The following ARHGAP10 variants were observed in gnomAD, a reference collection of about 807,000 sequenced individuals.
ARHGAP10 encodes Rho GTPase activating protein 10.
A neutral mutation model predicts 108.6 loss-of-function variants in ARHGAP10; 87 were observed. The observed-to-expected ratio is 0.80, with a 90% CI of 0.67 to 0.96. The LOEUF (loss-of-function observed/expected upper bound fraction) is 0.96, where lower values mean the gene tolerates loss of function less well. Ranked by LOEUF, ARHGAP10 falls within the 40% of genes least tolerant of loss-of-function variation. ARHGAP10 has a pLI of 0.00. For missense variants in ARHGAP10, 939 were observed against 954.5 expected (o/e 0.98, Z 0.21); for synonymous variants, 347 against 341.1 (o/e 1.02, Z -0.19).
intron 16 of ARHGAP10, among the ~76,000 whole-genome samples, chr4:147,961,786 C>T (rs1739009281): frequency 6.6e-6 from 1 of 152,172 alleles, no homozygotes. Flanking sequence ...TCCTTGACCT[C>T]TCCTTACCTC....
chr4:147,914,713 G>A (rs975685185), intron 13 of ARHGAP10, among the ~76,000 whole-genome samples: 7 of 152,018 alleles, frequency 4.6e-5, no homozygotes, highest in Non-Finnish European at 1.0e-4. Flanking sequence ...TTTATTGCCT[G>A]GTAGTATTCC....
chr4:147,852,011 C>T (rs1391115466), intron 4 of ARHGAP10, among the ~76,000 whole-genome samples: 4 of 152,110 alleles, frequency 2.6e-5, no homozygotes, highest in Admixed American at 6.5e-5. Context: ...ATGAGACTTA[C>T]GACACTTGTC....
At chr4:147,904,301 A>G (rs145613659) in intron 10 of ARHGAP10, among the ~76,000 whole-genome samples, 1,560 of 152,140 alleles carry the variant, frequency 0.01, 5 homozygotes, top group Middle Eastern at 0.017. Flanking sequence ...TTACATATGT[A>G]TACACGTGCC....
At chr4:148,057,953 G>A (rs1729432863) in intron 20 of ARHGAP10, among the ~76,000 whole-genome samples, 2 of 152,168 alleles carry the variant, frequency 1.3e-5, no homozygotes, top group African/African-American at 2.4e-5. Flanking sequence ...CCAACGCCGT[G>A]GGTTATGGCG....
chr4:147,936,842 C>A (rs1434107687), intron 13 of ARHGAP10, among the ~76,000 whole-genome samples: 1 of 152,132 alleles, frequency 6.6e-6, no homozygotes, highest in Non-Finnish European at 1.5e-5. Flanking sequence ...TCAGGGGTCC[C>A]CAATCCCCAG....
chr4:147,989,591 C>G (rs1740188195), intron 18 of ARHGAP10, among the ~76,000 whole-genome samples: 1 of 152,178 alleles, frequency 6.6e-6, no homozygotes, highest in South Asian at 2.1e-4. Flanking sequence ...CGATATTTCT[C>G]CCATTTGCTT....
chr4:148,063,762 C>A (rs918744834), intron 21 of ARHGAP10, among the ~76,000 whole-genome samples: 2 of 152,198 alleles, frequency 1.3e-5, no homozygotes, highest in African/African-American at 4.8e-5. Flanking sequence ...AGTGGCTTCC[C>A]CCACACCAGT....
intron 3 of ARHGAP10, among the ~76,000 whole-genome samples, chr4:147,842,809 A>C (rs1049360441): frequency 6.6e-6 from 1 of 151,950 alleles, no homozygotes; most frequent in Non-Finnish European, 1.5e-5. Flanking sequence ...TCTTAGAAAC[A>C]CTCGCCTGGG....
intron 19 of ARHGAP10, among the ~76,000 whole-genome samples, chr4:148,045,158 C>T (rs865910009): frequency 2.6e-5 from 4 of 152,134 alleles, no homozygotes; most frequent in African/African-American, 4.8e-5. Flanking sequence ...AAACAGAAAC[C>T]TCTTCTTAAC....
intron 18 of ARHGAP10, among the ~76,000 whole-genome samples, chr4:147,971,836 A>T (rs144490603): frequency 8.5e-4 from 129 of 152,306 alleles, no homozygotes; most frequent in African/African-American, 3.0e-3. Flanking sequence ...TGCAGTAGGA[A>T]GTAGAGGAAT....
intron 13 of ARHGAP10, among the ~76,000 whole-genome samples, chr4:147,925,651 A>T (rs1737434638): frequency 6.6e-6 from 1 of 152,248 alleles, no homozygotes. Flanking sequence ...CTGTTCTTAA[A>T]GATGAGCTTC....
chr4:147,887,930 T>C (rs1473584591), intron 10 of ARHGAP10, among the ~76,000 whole-genome samples: 1 of 152,086 alleles, frequency 6.6e-6, no homozygotes, highest in Non-Finnish European at 1.5e-5. Flanking sequence ...CTGAGGCCTT[T>C]GCCCTTTCTC....
At chr4:147,877,405 C>T (rs1219531430) in intron 8 of ARHGAP10, among the ~76,000 whole-genome samples, 3 of 152,086 alleles carry the variant, frequency 2.0e-5, no homozygotes, top group Non-Finnish European at 4.4e-5. Flanking sequence ...CATCTATTAC[C>T]CCTGTCCCAA....
At chr4:147,967,838 T>C (rs780422000) in intron 18 of ARHGAP10, among the ~76,000 whole-genome samples, 15 of 151,998 alleles carry the variant, frequency 9.9e-5, no homozygotes, top group Non-Finnish European at 2.1e-4. Context: ...GGGCCTCTTG[T>C]AAGTGGCTGC....
At chr4:147,989,255 A>C (rs2149634124) in intron 18 of ARHGAP10, among the ~76,000 whole-genome samples, 1 of 152,344 alleles carries the variant, frequency 6.6e-6, no homozygotes, top group South Asian at 2.1e-4. Context: ...AGAATATCAC[A>C]AGGCAAGTGG....
At chr4:148,016,165 A>G (rs942551673) in intron 18 of ARHGAP10, among the ~76,000 whole-genome samples, 1 of 152,240 alleles carries the variant, frequency 6.6e-6, no homozygotes, top group African/African-American at 2.4e-5. Flanking sequence ...ATCTTCTATC[A>G]TAATAAAGAC....
rs1423821525 is a variant in ARHGAP10, at chr4:148,063,243, G to C, written c.2123G>C (p.Gly708Ala). The change falls in exon 21 of 23, where the codon GGG becomes GCG. Residue 708 changes from glycine (G) to alanine (A), a missense_variant. Transcript: ENST00000336498. Reference protein sequence around the residue: ...SNSAVTPLSPGSSPFPFSPPA... With the variant: ...SNSAVTPLSPASSPFPFSPPA... ...TCAGCTGTGACACCTCTTTCACCCG[G>C]GTCGTCCCCTTTCCCCTTTTCTCCT... 2 of 1,614,008 alleles carry C rather than the reference G, an allele frequency of 1.2e-6. No individual in the cohort carries two copies. The highest frequency in any genetic ancestry group is 2.7e-5 in the African/African-American group (2 of 74,900).
intron 1 of ARHGAP10, among the ~76,000 whole-genome samples, chr4:147,750,850 C>G (rs1729112472): frequency 6.6e-6 from 1 of 152,066 alleles, no homozygotes; most frequent in African/African-American, 2.4e-5. Flanking sequence ...ATCCGCCTGC[C>G]TCAGCCTCCC....
chr4:147,992,488 ACCTCCG>A (rs1415182507), intron 18 of ARHGAP10, among the ~76,000 whole-genome samples: 1 of 151,806 alleles, frequency 6.6e-6, no homozygotes, highest in Non-Finnish European at 1.5e-5. Flanking sequence ...GCTTACTGCA[ACCTCCG>A]CCTCCCGGGT....
Sources: allele counts gnomAD v4.1 joint callset (sites outside exome capture counted in the v4.1 genomes callset), GRCh38; gene constraint gnomAD v4.1.1; transcripts MANE v1.5; gene names NCBI Gene and HGNC (gene_info 2026-07-23, HGNC 2026-07-21).